Variants in PRPSAP2 observed in about 807,000 individuals in gnomAD.
PRPSAP2 encodes phosphoribosyl pyrophosphate synthetase associated protein 2, also known as phosphoribosyl pyrophosphate synthase-associated protein 2.
Under a neutral mutation model 40.6 loss-of-function variants are expected in PRPSAP2, and 24 were observed. The ratio of observed to expected loss-of-function variants is 0.59; its 90% CI spans 0.43 to 0.83. PRPSAP2 has a LOEUF of 0.83. Ranked by LOEUF, PRPSAP2 falls within the 40% of genes least tolerant of loss-of-function variation. The pLI is 0.00. For missense variants in PRPSAP2, 292 were observed against 465.6 expected (o/e 0.63, Z 3.43); for synonymous variants, 149 against 164.7 (o/e 0.90, Z 0.73).
chr17:18,888,764 A>C (rs1249694356), intron 7 of PRPSAP2, among the ~76,000 whole-genome samples: 4 of 20,814 alleles, frequency 1.9e-4, no homozygotes, highest in African/African-American at 4.1e-4. Flanking sequence ...TGACCCCCCC[A>C]CCTCCCTCGC....
intron 1 of PRPSAP2, chr17:18,860,460 T>G (rs1227767342): frequency 6.6e-6 from 1 of 152,266 alleles, no homozygotes; most frequent in Non-Finnish European, 1.5e-5. Flanking sequence ...TTGTTTAGCC[T>G]CTACCGTGTG....
At chr17:18,876,288 C>T (rs2038294878) in intron 5 of PRPSAP2, among the ~76,000 whole-genome samples, 1 of 152,244 alleles carries the variant, frequency 6.6e-6, no homozygotes, top group African/African-American at 2.4e-5. Context: ...TCAAACAAGA[C>T]TGTCCTTATC....
chr17:18,869,078 T>A (rs188606031), intron 4 of PRPSAP2, among the ~76,000 whole-genome samples: 58 of 152,264 alleles, frequency 3.8e-4, no homozygotes, highest in African/African-American at 1.3e-3. Context: ...ATGTTCTTTG[T>A]CTGGAGTCTA....
At chr17:18,917,592 T>G (rs1192463335) in intron 9 of PRPSAP2, 1 of 79,708 alleles carries the variant, frequency 1.3e-5, no homozygotes, top group East Asian at 3.6e-4. Flanking sequence ...TTATTTTTTT[T>G]TTTTTTTTTT....
intron 9 of PRPSAP2, among the ~76,000 whole-genome samples, chr17:18,912,317 G>C (rs1022539525): frequency 1.2e-4 from 18 of 152,128 alleles, no homozygotes; most frequent in Non-Finnish European, 2.2e-4. Flanking sequence ...TCTGACAAGG[G>C]CACTGACCCC....
chr17:18,879,952 C>T (rs1456492208), intron 6 of PRPSAP2, among the ~76,000 whole-genome samples: 1 of 151,760 alleles, frequency 6.6e-6, no homozygotes, highest in Non-Finnish European at 1.5e-5. Flanking sequence ...CAAAATTAGC[C>T]GGGTGTGGTG....
intron 6 of PRPSAP2, among the ~76,000 whole-genome samples, chr17:18,879,838 G>A (rs1029611642): frequency 1.3e-5 from 2 of 148,574 alleles, no homozygotes; most frequent in African/African-American, 2.5e-5. Context: ...GGTGGCTCAC[G>A]CCTGTAATCC....
At chr17:18,890,946 T>C (rs2039509167) in intron 8 of PRPSAP2, among the ~76,000 whole-genome samples, 1 of 152,226 alleles carries the variant, frequency 6.6e-6, no homozygotes, top group Non-Finnish European at 1.5e-5. Flanking sequence ...GTAACTGATG[T>C]GTCACTATTG....
intron 8 of PRPSAP2, chr17:18,908,319 A>G: frequency 1.3e-6 from 1 of 776,772 alleles, no homozygotes; most frequent in Non-Finnish European, 2.4e-6. Context: ...TCCACTGAGA[A>G]TGCAGATGAG....
intron 6 of PRPSAP2, 25 bp downstream of exon 6, chr17:18,877,895 T>C: frequency 6.4e-7 from 1 of 1,563,666 alleles, no homozygotes; most frequent in Non-Finnish European, 8.7e-7. Context: ...TGTTTCACAA[T>C]TAATTGGGGG....
chr17:18,898,148 G>A (rs1353404724), intron 8 of PRPSAP2, among the ~76,000 whole-genome samples: 5 of 151,680 alleles, frequency 3.3e-5, no homozygotes, highest in African/African-American at 1.2e-4. Context: ...ATAGGCGAGC[G>A]CCACCACGCC....
At chr17:18,859,148 T>C (rs1172140952) in intron 1 of PRPSAP2, among the ~76,000 whole-genome samples, 1 of 152,238 alleles carries the variant, frequency 6.6e-6, no homozygotes, top group East Asian at 1.9e-4. Context: ...AAGTCTTATG[T>C]TGACCACCAT....
At chr17:18,925,683 A>T (rs907924686) in intron 10 of PRPSAP2, among the ~76,000 whole-genome samples, 1 of 152,202 alleles carries the variant, frequency 6.6e-6, no homozygotes, top group Non-Finnish European at 1.5e-5. Context: ...GTCTGAAGGT[A>T]TGCACATTTT....
At chr17:18,913,504 G>T (rs1266082207) in intron 9 of PRPSAP2, among the ~76,000 whole-genome samples, 1 of 149,116 alleles carries the variant, frequency 6.7e-6, no homozygotes, top group African/African-American at 2.5e-5. Context: ...TGCCTTTGGG[G>T]TCATTGAGTC....
intron 8 of PRPSAP2, among the ~76,000 whole-genome samples, chr17:18,896,510 A>G (rs181226030): frequency 6.6e-6 from 1 of 151,390 alleles, no homozygotes; most frequent in Admixed American, 6.6e-5. Flanking sequence ...TTCCTGGGTA[A>G]GCGCATGTTC....
Position 18,911,172 on chromosome 17 carries a change from G to T in PRPSAP2, c.654G>T (p.Glu218Asp). ...AVIHGEAQDA[E>D]SDLVDGRHSP... is the part of the protein sequence containing the mutation. ...TTCATGGAGAGGCGCAGGATGCCGA[G>T]TCGGACTTGGTGGATGGACGGCATT... The change falls in exon 9 of 12, where the codon GAG (glutamate) becomes GAT (aspartate). Residue 218 changes from glutamate (E) to aspartate (D), a missense_variant. Physicochemically the swap from Glu to Asp is conservative, Grantham distance 45. Around this residue, in one of 2 missense-constraint regions of PRPSAP2, gnomAD observed 241 missense variants for 425.7 expected, o/e 0.57. Coordinates refer to ENST00000268835, the MANE Select transcript of PRPSAP2 (RefSeq NM_002767.4). This position sits in a 1 kb window ranked among gnomAD's most constrained non-coding sequence, Gnocchi z 4.5. 6.2e-7 allele frequency: 1 copy of T among 1,614,038 alleles called. No homozygotes were observed. The highest frequency in any genetic ancestry group is 8.5e-7 in the Non-Finnish European group (1 of 1,179,942).
At chr17:18,887,883 G>T in intron 7 of PRPSAP2, among the ~76,000 whole-genome samples, 1 of 29,784 alleles carries the variant, frequency 3.4e-5, no homozygotes, top group Non-Finnish European at 8.1e-5. Flanking sequence ...ATTCTTGGGT[G>T]TTTCTCACAG....
At chr17:18,910,226 T>C (rs2040874617) in intron 8 of PRPSAP2, among the ~76,000 whole-genome samples, 1 of 152,014 alleles carries the variant, frequency 6.6e-6, no homozygotes, top group Admixed American at 6.6e-5. Flanking sequence ...TCGAGACCAG[T>C]CTGGCTAACA....
chr17:18,895,013 C>A (rs187543228), intron 8 of PRPSAP2, among the ~76,000 whole-genome samples: 1 of 151,124 alleles, frequency 6.6e-6, no homozygotes, highest in East Asian at 1.9e-4. Context: ...CATGGGATAT[C>A]ATTTTTTAAA....
Sources: allele counts gnomAD v4.1 joint callset (sites outside exome capture counted in the v4.1 genomes callset), GRCh38; gene constraint gnomAD v4.1.1; regional missense constraint gnomAD v4.1.1; non-coding constraint Gnocchi (gnomAD v3.1); transcripts MANE v1.5; gene names NCBI Gene and HGNC (gene_info 2026-07-23, HGNC 2026-07-21).